Variants in MCTP1 observed in about 807,000 individuals in gnomAD.
MCTP1 encodes the protein multiple C2 and transmembrane domain-containing protein 1.
A neutral mutation model predicts 120.6 loss-of-function variants in MCTP1; 69 were observed. The observed-to-expected ratio is 0.57, with a 90% CI of 0.47 to 0.70. The LOEUF is 0.70. Among genes scored for constraint, MCTP1 ranks in the 30% least tolerant of loss-of-function variants. MCTP1 has a pLI of 0.00. For missense variants in MCTP1, 1,203 were observed against 1,248.8 expected, an observed-to-expected ratio of 0.96 and a Z score of 0.55; for synonymous variants, 529 against 493.1, an observed-to-expected ratio of 1.07 and a Z score of -0.96.
At chr5:95,252,958 T>C (rs1447756941) in intron 1 of MCTP1, among the ~76,000 whole-genome samples, 1 of 152,138 alleles carries the variant, frequency 6.6e-6, no homozygotes, top group Admixed American at 6.6e-5. Flanking sequence ...AATTTGCCCA[T>C]CTAATTTGAC....
intron 2 of MCTP1, chr5:94,976,718 T>C (rs998424352): frequency 1.3e-5 from 2 of 152,102 alleles, no homozygotes; most frequent in African/African-American, 4.8e-5. Flanking sequence ...CTTATGTGTA[T>C]AGAGAAGTTA....
At chr5:94,802,418 C>T (rs1781410649) in intron 17 of MCTP1, among the ~76,000 whole-genome samples, 1 of 152,110 alleles carries the variant, frequency 6.6e-6, no homozygotes, top group Non-Finnish European at 1.5e-5. Flanking sequence ...ATTCTAATTC[C>T]TGTTAGCTGG....
At chr5:95,026,227 A>G (rs915622621) in intron 1 of MCTP1, among the ~76,000 whole-genome samples, 5 of 152,108 alleles carry the variant, frequency 3.3e-5, no homozygotes, top group African/African-American at 1.2e-4. Context: ...CAGACATGCA[A>G]TGCATTATAA....
chr5:94,783,901 C>T (rs1777080783), intron 18 of MCTP1, among the ~76,000 whole-genome samples: 1 of 152,016 alleles, frequency 6.6e-6, no homozygotes. Flanking sequence ...AGTGCTGATA[C>T]AAACCAGTTT....
chr5:94,817,364 C>T lies in MCTP1; in HGVS notation c.2437-18232G>A, dbSNP rs189205195. Among the ~76,000 whole-genome samples the T allele has an allele frequency of 4.6e-3, 703 of 152,160 alleles. 2 individuals carry two copies. Among genetic ancestry groups the T allele is most frequent in the Non-Finnish European group, 6.5e-3 (442 of 68,006 alleles). On this transcript the variant is annotated intron_variant, in intron 17 of 22. Transcript: ENST00000515393. ...CGGAGGTTGCAGTGAGCCGAGATCG[C>T]GCCACTGCTCTCCAACCTGGGCGAC...
At chr5:95,095,181 G>T (rs1239812640) in intron 1 of MCTP1, among the ~76,000 whole-genome samples, 7 of 150,456 alleles carry the variant, frequency 4.7e-5, no homozygotes, top group African/African-American at 1.7e-4. Context: ...CCGCTACCAC[G>T]CCCGGCTAAT....
chr5:95,114,005 C>T (rs1757640674), intron 1 of MCTP1, among the ~76,000 whole-genome samples: 1 of 152,168 alleles, frequency 6.6e-6, no homozygotes, highest in Non-Finnish European at 1.5e-5. Flanking sequence ...CCAGGTTCTA[C>T]TTGTGGATGA....
In MCTP1 at chr5:94,917,928, C is replaced by G. The variant is rs546435372; in HGVS notation, c.1318G>C (p.Glu440Gln). The G allele has an allele frequency of 2.5e-6, 4 of 1,613,994 alleles. No homozygotes were observed. Among genetic ancestry groups the G allele is most frequent in the African/African-American group, 1.3e-5 (1 of 75,038 alleles). Residue 440 changes from glutamate (E) to glutamine (Q), a missense_variant, in exon 8 of 23, where the codon GAG becomes CAG. Transcript: ENST00000515393. Reference protein sequence around the residue: ...ALPVLGFCRAELQNPYCKNVQ... With the variant: ...ALPVLGFCRAQLQNPYCKNVQ... The stretch of plus-strand genomic sequence containing the variant: ...TTTTTGCAATAAGGATTCTGAAGCT[C>G]TGCTCTGCAGAAGCCCAGGACAGGA...
In MCTP1 at chr5:94,767,787, T is replaced by C. The variant is rs1344458175; in HGVS notation, c.2610+11323A>G. On this transcript the variant is annotated intron_variant, in intron 19 of 22. Coordinates refer to ENST00000515393, the MANE Select transcript of MCTP1 (RefSeq NM_024717.7). The stretch of plus-strand genomic sequence containing the variant: ...AGGACACAAATGAAAAGGGATCCCA[T>C]GCCCATGGATTTGAAGAATATTGTT... Among the ~76,000 whole-genome samples, 3 of 151,966 alleles carry C rather than the reference T, an allele frequency of 2.0e-5. 1 individual carries two copies. Among genetic ancestry groups the C allele is most frequent in the African/African-American group, 4.8e-5 (2 of 41,418 alleles).
intron 1 of MCTP1, among the ~76,000 whole-genome samples, chr5:95,190,963 G>A (rs537104269): frequency 1.3e-5 from 2 of 152,094 alleles, no homozygotes; most frequent in South Asian, 4.1e-4. Context: ...TGATAATAAT[G>A]TGAAACCAGT....
intron 10 of MCTP1, among the ~76,000 whole-genome samples, chr5:94,901,476 T>A (rs1170205710): frequency 2.0e-5 from 3 of 152,168 alleles, no homozygotes; most frequent in African/African-American, 4.8e-5. Context: ...CCCTGACTCA[T>A]GTTCTTTCTC....
chr5:95,041,311 G>GAAAAAAAAAAA (rs58379749), intron 1 of MCTP1, among the ~76,000 whole-genome samples: 4 of 89,810 alleles, frequency 4.5e-5, no homozygotes, highest in Admixed American at 2.5e-4. Flanking sequence ...CCCATGCTCT[G>GAAAAAAAAAAA]AAAAAAAAAA....
At chr5:95,146,109 A>C (rs560176389) in intron 1 of MCTP1, among the ~76,000 whole-genome samples, 1 of 151,978 alleles carries the variant, frequency 6.6e-6, no homozygotes, top group African/African-American at 2.4e-5. Flanking sequence ...ATTTCATTTG[A>C]ATCTTGGGAG....
intron 2 of MCTP1, among the ~76,000 whole-genome samples, chr5:95,012,434 T>C (rs990414955): frequency 4.6e-5 from 7 of 152,154 alleles, no homozygotes; most frequent in Non-Finnish European, 7.4e-5. Flanking sequence ...CCTCATTTCA[T>C]TGCACTTTGT....
intron 17 of MCTP1, among the ~76,000 whole-genome samples, chr5:94,854,249 T>C (rs895186460): frequency 1.3e-5 from 2 of 151,818 alleles, no homozygotes; most frequent in Non-Finnish European, 2.9e-5. Flanking sequence ...TAAGAAAAAT[T>C]AAATGTTAAA....
At chr5:95,266,807 A>G (rs1384077179) in intron 1 of MCTP1, among the ~76,000 whole-genome samples, 1 of 152,174 alleles carries the variant, frequency 6.6e-6, no homozygotes, top group African/African-American at 2.4e-5. Flanking sequence ...ACAATTTCTG[A>G]TCACTCATAT....
chr5:94,874,107 C>G (rs1037804212), intron 12 of MCTP1, among the ~76,000 whole-genome samples: 1 of 151,970 alleles, frequency 6.6e-6, no homozygotes, highest in African/African-American at 2.4e-5. Context: ...ATACCTTATA[C>G]AAATGACAAT....
chr5:94,704,962 A>G lies in MCTP1; in HGVS notation c.*2534T>C, dbSNP rs1387609855. ...GATAAGTGGGGAAAAATTTAAAAGC[A>G]CAAATACGCATTTCTTATGAATTAT... On this transcript the variant is annotated 3_prime_UTR_variant, in exon 23 of 23. Transcript: ENST00000515393. The G allele has an allele frequency of 6.6e-6, 1 of 151,366 alleles. No homozygotes were observed. The highest frequency in any genetic ancestry group is 3.2e-3 in the Middle Eastern group (1 of 316). The allele number at this position is 151,366 out of a possible 1,614,324, so 9.4% of individuals were successfully genotyped here. A position where few individuals can be genotyped will look rare whatever the true frequency, so the allele number is the denominator to read the frequency against.
At chr5:94,865,279 A>AT (rs1796590963) in intron 17 of MCTP1, among the ~76,000 whole-genome samples, 1 of 151,834 alleles carries the variant, frequency 6.6e-6, no homozygotes, top group South Asian at 2.1e-4. Context: ...AAAAAAAAAG[A>AT]TTGTTTTTTA....
Sources: gnomAD v4.1 joint callset for allele counts (sites outside exome capture counted in the v4.1 genomes callset) on GRCh38, gnomAD v4.1.1 for gene constraint, MANE v1.5 for transcripts, NCBI Gene and HGNC (gene_info 2026-07-23, HGNC 2026-07-21) for gene names.